Variants in MYL7 observed in about 807,000 individuals in gnomAD.
MYL7 encodes the protein myosin light chain 7, also known as myosin regulatory light chain 2, atrial isoform.
A neutral mutation model predicts 22.5 loss-of-function variants in MYL7; 27 were observed. That is an observed-to-expected ratio of 1.20 (90% confidence interval 0.89 to 1.66). The LOEUF is 1.66. Ranked by LOEUF, MYL7 falls within the 40% of genes most tolerant of loss-of-function variation. The probability of loss-of-function intolerance (pLI) is 0.00; values close to 1 mark genes in which losing one functional copy is unlikely to be tolerated. For synonymous variants in MYL7, 81 were observed against 84.4 expected (o/e 0.96, Z 0.22); for missense variants, 209 against 226.8 (o/e 0.92, Z 0.50).
In MYL7 at chr7:44,138,913, C is replaced by G. The variant is rs913295738; in HGVS notation, c.*8G>C. The G allele has an allele frequency of 1.2e-6, 2 of 1,611,984 alleles. No homozygotes were observed. The highest frequency in any genetic ancestry group is 2.7e-5 in the African/African-American group (2 of 74,874). ...TGAGGTGCCCCCCCGTGGGCCTGGCCCTGCCCCTCATTCCTCTTTCTCGTC... is the reference window on the plus strand; with the variant it reads ...TGAGGTGCCCCCCCGTGGGCCTGGCGCTGCCCCTCATTCCTCTTTCTCGTC... On this transcript the variant is annotated 3_prime_UTR_variant, in exon 7 of 7. Transcript: ENST00000223364.
intron 3 of MYL7, 49 bp from the exon 4 acceptor site, chr7:44,140,476 C>T (rs1336802936): frequency 1.5e-6 from 2 of 1,370,604 alleles, no homozygotes; most frequent in South Asian, 1.2e-5. Context: ...GGGTGTCCCC[C>T]AGAAGGCCCA....
At chr7:44,139,299 T>G (rs1010821737) in intron 6 of MYL7, 2 of 682,156 alleles carry the variant, frequency 2.9e-6, no homozygotes, top group African/African-American at 3.5e-5. Context: ...CCCTATCCAC[T>G]TCCCCCCAGG....
intron 5 of MYL7, 29 bp from the exon 6 acceptor site, chr7:44,139,598 G>C: frequency 6.3e-7 from 1 of 1,592,016 alleles, no homozygotes; most frequent in Non-Finnish European, 8.6e-7. Context: ...CTGAGCAGGA[G>C]ACTGCGGGGG....
chr7:44,139,057 C>T (rs1397621667), intron 6 of MYL7, 35 bp from the exon 7 acceptor site: 1 of 1,556,816 alleles, frequency 6.4e-7, no homozygotes, highest in Non-Finnish European at 8.9e-7. Context: ...AGTCCCCTGG[C>T]TCCTGGCCCA....
intron 5 of MYL7, 38 bp downstream of exon 5, chr7:44,139,744 C>T (rs371989006): frequency 1.0e-4 from 163 of 1,609,496 alleles, no homozygotes; most frequent in Non-Finnish European, 1.3e-4. Flanking sequence ...TCTCTGCTTC[C>T]ACCACGGTGC....
intron 1 of MYL7, 95 bp downstream of exon 1, chr7:44,141,208 C>A: frequency 6.2e-7 from 1 of 1,602,666 alleles, no homozygotes; most frequent in South Asian, 1.1e-5. Flanking sequence ...TGGGGACCAC[C>A]CTCAACCCAA....
chr7:44,141,019 C>A lies in MYL7; in HGVS notation c.59G>T (p.Arg20Leu), dbSNP rs760803234. 6.2e-7 allele frequency: 1 copy of A among 1,613,894 alleles called. No individual in the cohort carries two copies. The highest frequency in any genetic ancestry group is 1.3e-5 in the African/African-American group (1 of 74,854). ...CATGGAAAAGACGTTGGAAGAACCA[C>A]GTTGGGCCTGCTTGGTGGCTGCCAC... Reference protein sequence around the residue: ...GKVAATKQAQRGSSNVFSMFE... With the variant: ...GKVAATKQAQLGSSNVFSMFE... The change falls in exon 2 of 7, where the codon CGT becomes CTT. Residue 20 changes from arginine (R) to leucine (L), a missense_variant. Arg to Leu is a moderately radical substitution (Grantham distance 102). Transcript: ENST00000223364.
rs747835509 is a variant in MYL7, at chr7:44,140,728, C to T, written c.177G>A (p.Glu59=). The T allele has an allele frequency of 6.2e-7, 1 of 1,610,166 alleles. No individual in the cohort carries two copies. The highest frequency in any genetic ancestry group is 8.5e-7 in the Non-Finnish European group (1 of 1,178,134). ...TGCACGCACCCAGCTGGGAGTAGGTCTCCCTCAGGTCTGCCTTGCAGATGA... is the reference window on the plus strand; with the variant it reads ...TGCACGCACCCAGCTGGGAGTAGGTTTCCCTCAGGTCTGCCTTGCAGATGA... The part of the protein sequence containing the change: ...DGIICKADLR[E]TYSQLGKVSV... The change falls in exon 3 of 7, where the codon GAG becomes GAA. Residue 59 remains glutamate (E), a synonymous_variant. Transcript: ENST00000223364.
intron 3 of MYL7, 40 bp from the exon 4 acceptor site, chr7:44,140,467 G>A: frequency 6.9e-7 from 1 of 1,454,812 alleles, no homozygotes; most frequent in South Asian, 1.2e-5. Flanking sequence ...AGGGACCCTG[G>A]GTGTCCCCCA....
In MYL7 at chr7:44,141,099, G is replaced by T. The variant is rs1416530728; in HGVS notation, c.4-25C>A. 1.9e-6 allele frequency: 3 copies of T among 1,609,626 alleles called. No individual in the cohort carries two copies. The African/African-American group carries it at 4.0e-5, about 22-fold the overall frequency. On this transcript the variant is annotated intron_variant, in intron 1 of 6. Transcript: ENST00000223364. ...CCTGCAACACTGTGAGTAGGGAGGG[G>T]TCCTCTCCCCAACTCCTCAGAGTCT...
intron 4 of MYL7, 25 bp downstream of exon 4, chr7:44,140,298 G>T (rs780263101): frequency 3.1e-6 from 5 of 1,602,806 alleles, no homozygotes; most frequent in Non-Finnish European, 4.3e-6. Context: ...CTGGCCAAGG[G>T]TGCCCAGCTC....
chr7:44,140,469 T>C (rs1300946683), intron 3 of MYL7, 42 bp from the exon 4 acceptor site: 3 of 1,436,232 alleles, frequency 2.1e-6, no homozygotes, highest in Non-Finnish European at 2.8e-6. Flanking sequence ...GGACCCTGGG[T>C]GTCCCCCAGA....
At chr7:44,140,481 G>GT in intron 3 of MYL7, 54 bp from the exon 4 acceptor site, 1 of 1,341,802 alleles carries the variant, frequency 7.5e-7, no homozygotes, top group Non-Finnish European at 9.9e-7. Context: ...TCCCCCAGAA[G>GT]GCCCAGGCCG....
At chr7:44,140,287 C>A in intron 4 of MYL7, 36 bp downstream of exon 4, 1 of 1,582,716 alleles carries the variant, frequency 6.3e-7, no homozygotes, top group Non-Finnish European at 8.7e-7. Context: ...AGGCTCCCTG[C>A]CTGGCCAAGG....
rs2096261756 is a variant in MYL7, at chr7:44,138,914, C to T, written c.*7G>A. 1 of 1,612,348 alleles carries T rather than the reference C, an allele frequency of 6.2e-7. No individual in the cohort carries two copies. Among genetic ancestry groups the T allele is most frequent in the Admixed American group, 1.7e-5 (1 of 59,994 alleles). On this transcript the variant is annotated 3_prime_UTR_variant, in exon 7 of 7. Coordinates refer to ENST00000223364, the MANE Select transcript of MYL7 (RefSeq NM_021223.3). The stretch of plus-strand genomic sequence containing the variant: ...GAGGTGCCCCCCCGTGGGCCTGGCC[C>T]TGCCCCTCATTCCTCTTTCTCGTCT...
intron 5 of MYL7, 35 bp from the exon 6 acceptor site, chr7:44,139,604 G>A (rs368214563): frequency 2.3e-5 from 37 of 1,589,352 alleles, no homozygotes; most frequent in Non-Finnish European, 2.9e-5. Context: ...AGGAGACTGC[G>A]GGGGAGTGAC....
chr7:44,141,197 C>T, intron 1 of MYL7, 106 bp downstream of exon 1: 1 of 1,594,684 alleles, frequency 6.3e-7, no homozygotes, highest in East Asian at 2.2e-5. Flanking sequence ...CTTCCTCTCC[C>T]TGGGGACCAC....
At chr7:44,140,091 G>A (rs181254482) in intron 4 of MYL7, among the ~76,000 whole-genome samples, 17 of 152,192 alleles carry the variant, frequency 1.1e-4, no homozygotes, top group African/African-American at 3.9e-4. Context: ...CACATTTCCT[G>A]GCTCCAAGTC....
chr7:44,140,253 T>C, intron 4 of MYL7, 70 bp downstream of exon 4: 1 of 1,323,092 alleles, frequency 7.6e-7, no homozygotes, highest in Non-Finnish European at 1.1e-6. Flanking sequence ...CAGGCAGGGT[T>C]CAGGTGGGGT....
Sources: gnomAD v4.1 joint callset for allele counts (sites outside exome capture counted in the v4.1 genomes callset) on GRCh38, gnomAD v4.1.1 for gene constraint, MANE v1.5 for transcripts, NCBI Gene and HGNC (gene_info 2026-07-23, HGNC 2026-07-21) for gene names.